Variants in CES5A observed in about 807,000 individuals in gnomAD.
The protein encoded by CES5A is carboxylesterase 5A, also known as carboxylesterase 5.
Under a neutral mutation model 62.9 loss-of-function variants are expected in CES5A, and 67 were observed. The ratio of observed to expected loss-of-function variants is 1.07; its 90% CI spans 0.88 to 1.31. CES5A has a LOEUF of 1.31. Among genes scored for constraint, CES5A ranks in the 50% most tolerant of loss-of-function variants. The probability of loss-of-function intolerance (pLI) is 0.00; values close to 1 mark genes in which losing one functional copy is unlikely to be tolerated. For missense variants in CES5A, 748 were observed against 708.5 expected (o/e 1.06, Z -0.63); for synonymous variants, 296 against 280.8 (o/e 1.05, Z -0.54).
rs761721054 is a variant in CES5A, at chr16:55,865,988, G to A, written c.680C>T (p.Ala227Val). 6 of 1,614,066 alleles carry A rather than the reference G, an allele frequency of 3.7e-6. No individual in the cohort carries two copies. Among genetic ancestry groups the A allele is most frequent in the East Asian group, 2.2e-5 (1 of 44,892 alleles). ...AAGACTAGAAACACTTATGGCTCCC[G>A]CGGACTCGCCAAAGATGGTCACAGA... ...PSSVTIFGES[A>V]GAISVSSLIL... Residue 227 changes from alanine (A) to valine (V), a missense_variant, in exon 5 of 13, where the codon GCG becomes GTG. Physicochemically the swap from Ala to Val is moderately conservative, Grantham distance 64. Transcript: ENST00000290567.
upstream of CES5A, among the ~76,000 whole-genome samples, chr16:55,927,333 C>G (rs1257502396): frequency 6.6e-6 from 1 of 152,144 alleles, no homozygotes; most frequent in East Asian, 1.9e-4. Flanking sequence ...AGACAACCTA[C>G]AGAATTGGAC....
In CES5A at chr16:55,931,719, C is replaced by A. The variant is rs193247404; in HGVS notation, c.160+18066G>T. 1.7e-3 allele frequency among the ~76,000 whole-genome samples: 263 copies of A among 152,298 alleles called. 2 individuals carry two copies. The highest frequency in any genetic ancestry group is 6.1e-3 in the African/African-American group (252 of 41,574). On this transcript the variant is annotated intron_variant, in intron 2 of 13. Coordinates refer to the CES5A transcript ENST00000521992. ...TTATCCAGGAAGCTCTTCCAACCTT[C>A]CCCCAAATTAGGTTAGATTGGGTTG...
At chr16:55,912,665 G>T (rs1213886788) in intron 1 of CES5A, among the ~76,000 whole-genome samples, 1 of 152,066 alleles carries the variant, frequency 6.6e-6, no homozygotes, top group African/African-American at 2.4e-5. Context: ...AAGAAATAGC[G>T]ACCTGGGAAG....
intron 1 of CES5A, among the ~76,000 whole-genome samples, chr16:55,912,374 C>T (rs757940625): frequency 4.6e-5 from 7 of 152,134 alleles, no homozygotes; most frequent in Non-Finnish European, 8.8e-5. Flanking sequence ...TGTGCTGTGC[C>T]GGGTCTCTCT....
upstream of CES5A, among the ~76,000 whole-genome samples, chr16:55,925,906 C>T (rs565520704): frequency 1.3e-5 from 2 of 152,010 alleles, no homozygotes; most frequent in Non-Finnish European, 2.9e-5. Flanking sequence ...GGACTAATAT[C>T]TAGAACCTAC....
In CES5A at chr16:55,846,332, G is replaced by C; in HGVS notation, c.*119C>G. 1.3e-6 allele frequency: 1 copy of C among 745,992 alleles called. No individual in the cohort carries two copies. The highest frequency in any genetic ancestry group is 2.6e-5 in the East Asian group (1 of 38,064). The allele number at this position is 745,992 out of a possible 1,614,324, so 46.2% of individuals were successfully genotyped here. A position where few individuals can be genotyped will look rare whatever the true frequency, so the allele number is the denominator to read the frequency against. On this transcript the variant is annotated 3_prime_UTR_variant, in exon 13 of 13. Transcript: ENST00000290567. ...ATTCCTAAGTCCATAAAATATCAGC[G>C]AAAGCAGCTTGTTTTGCAAGGATCC...
At chr16:55,919,548 G>T (rs1305439788) in intron 1 of CES5A, among the ~76,000 whole-genome samples, 2 of 152,134 alleles carry the variant, frequency 1.3e-5, no homozygotes, top group Non-Finnish European at 1.5e-5. Flanking sequence ...CCCTCCTGGT[G>T]ACCTCCCTTT....
chr16:55,910,779 G>A (rs1276267825), intron 1 of CES5A, among the ~76,000 whole-genome samples: 1 of 151,830 alleles, frequency 6.6e-6, no homozygotes, highest in African/African-American at 2.4e-5. Flanking sequence ...ACATCCCCTT[G>A]GTGCCCCATA....
At chr16:55,949,816 A>G (rs1379989389) in exon 2 of CES5A, 1 of 1,512,646 alleles carries the variant, frequency 6.6e-7, no homozygotes, top group Admixed American at 2.0e-5. Context: ...TTAAGACATC[A>G]ATCCTCAATA....
intron 11 of CES5A, among the ~76,000 whole-genome samples, chr16:55,847,290 TC>T (rs2033035089): frequency 6.7e-6 from 1 of 149,380 alleles, no homozygotes; most frequent in African/African-American, 2.5e-5. Flanking sequence ...CTCTCTCTCT[TC>T]CTTCTTTCTC....
intron 2 of CES5A, among the ~76,000 whole-genome samples, chr16:55,932,392 G>T (rs6499805): frequency 0.32 from 49,188 of 152,056 alleles, 8,216 homozygotes; most frequent in African/African-American, 0.36. Flanking sequence ...AAGACACTGG[G>T]GGTACAATGA....
chr16:55,876,404 C>G (rs2033694267), upstream of CES5A, among the ~76,000 whole-genome samples: 1 of 152,190 alleles, frequency 6.6e-6, no homozygotes, highest in Admixed American at 6.5e-5. Flanking sequence ...CTCTAGCAAC[C>G]ATTACAACGA....
intron 2 of CES5A, among the ~76,000 whole-genome samples, chr16:55,948,582 G>T (rs2034521903): frequency 6.6e-6 from 1 of 152,118 alleles, no homozygotes; most frequent in Non-Finnish European, 1.5e-5. Flanking sequence ...CTATCTTGTA[G>T]CTATCTATTT....
At chr16:55,934,850 C>T (rs189608878) in intron 2 of CES5A, among the ~76,000 whole-genome samples, 145 of 152,306 alleles carry the variant, frequency 9.5e-4, no homozygotes, top group Admixed American at 6.5e-4. Flanking sequence ...GGGCCTGAGA[C>T]GGGAGAGTTA....
chr16:55,912,847 G>A (rs1253734119), intron 1 of CES5A, among the ~76,000 whole-genome samples: 1 of 152,282 alleles, frequency 6.6e-6, no homozygotes, highest in East Asian at 1.9e-4. Flanking sequence ...AGACAAAAAG[G>A]GCTCTTTGCC....
intron 1 of CES5A, among the ~76,000 whole-genome samples, chr16:55,918,852 A>T (rs1274327480): frequency 6.6e-6 from 1 of 152,214 alleles, no homozygotes; most frequent in Non-Finnish European, 1.5e-5. Context: ...TCATAGAATG[A>T]TCATGAGCAT....
At chr16:55,866,657 C>A (rs1240588489) in intron 4 of CES5A, among the ~76,000 whole-genome samples, 6 of 69,522 alleles carry the variant, frequency 8.6e-5, no homozygotes, top group African/African-American at 1.4e-4. Context: ...TCTGTCTCTG[C>A]TAAAAAAAAA....
chr16:55,954,782 C>T (rs2034592016), intron 1 of CES5A, among the ~76,000 whole-genome samples: 1 of 152,148 alleles, frequency 6.6e-6, no homozygotes, highest in Admixed American at 6.5e-5. Context: ...CTTCTACATA[C>T]AATCCCTTCC....
At chr16:55,906,615 G>A (rs1325881408) in intron 1 of CES5A, among the ~76,000 whole-genome samples, 6 of 152,238 alleles carry the variant, frequency 3.9e-5, no homozygotes, top group South Asian at 2.1e-4. Context: ...CCACGGGCAC[G>A]TGAATGAACA....
Sources: allele counts gnomAD v4.1 joint callset (sites outside exome capture counted in the v4.1 genomes callset), GRCh38; gene constraint gnomAD v4.1.1; transcripts MANE v1.5; gene names NCBI Gene and HGNC (gene_info 2026-07-23, HGNC 2026-07-21).